TG: variants seen among roughly 807,000 people sequenced by gnomAD.
The protein encoded by TG is thyroglobulin, also known as thyroid hormones.
A neutral mutation model predicts 324.7 loss-of-function variants in TG; 270 were observed. The ratio of observed to expected loss-of-function variants is 0.83; its 90% CI spans 0.75 to 0.92. The LOEUF is 0.92. TG is among the 40% of genes least tolerant of loss of function. TG has a pLI of 0.00. For missense variants in TG, 3,591 were observed against 3,456.4 expected (o/e 1.04, Z -0.98); for synonymous variants, 1,401 against 1,327.0 (o/e 1.06, Z -1.21).
chr8:133,048,740 C>G (rs918928368), intron 41 of TG: 1 of 159,470 alleles, frequency 6.3e-6, no homozygotes, highest in African/African-American at 2.4e-5. Context: ...TGACTCCCAT[C>G]TCTTTCAGAA....
intron 41 of TG, among the ~76,000 whole-genome samples, chr8:133,094,301 T>A (rs1848075837): frequency 7.1e-6 from 1 of 141,078 alleles, no homozygotes; most frequent in Admixed American, 7.5e-5. Context: ...AGTGCAGAGG[T>A]GCGATCTCGG....
intron 40 of TG, among the ~76,000 whole-genome samples, chr8:133,026,111 T>C (rs1587796831): frequency 6.6e-6 from 1 of 152,220 alleles, no homozygotes; most frequent in South Asian, 2.1e-4. Flanking sequence ...TCTAGCTGCC[T>C]CCTGGCACAG....
At chr8:132,961,819 C>T (rs1456688701) in intron 28 of TG, among the ~76,000 whole-genome samples, 2 of 152,128 alleles carry the variant, frequency 1.3e-5, no homozygotes, top group Non-Finnish European at 2.9e-5. Context: ...AATCTGTCCT[C>T]GCTGATCTTC....
At chr8:133,005,514 T>G (rs1170737136) in intron 35 of TG, among the ~76,000 whole-genome samples, 1 of 152,140 alleles carries the variant, frequency 6.6e-6, no homozygotes, top group South Asian at 2.1e-4. Flanking sequence ...TTGCTGAGCA[T>G]TTCCCCTGGG....
chr8:132,905,755 A>G (rs1261375853), intron 16 of TG, among the ~76,000 whole-genome samples: 1 of 152,172 alleles, frequency 6.6e-6, no homozygotes, highest in East Asian at 1.9e-4. Flanking sequence ...AACAATTGAC[A>G]AAAGGAAGGT....
At chr8:133,003,278 T>C (rs1434309123) in intron 35 of TG, 2 of 153,136 alleles carry the variant, frequency 1.3e-5, no homozygotes, top group African/African-American at 4.8e-5. Context: ...TTAAACACGA[T>C]TATCTACATA....
chr8:133,121,401 C>T (rs1851130903), intron 45 of TG, among the ~76,000 whole-genome samples: 1 of 152,168 alleles, frequency 6.6e-6, no homozygotes, highest in Non-Finnish European at 1.5e-5. Context: ...AGTAACATTT[C>T]CAGGTTATTC....
chr8:133,073,050 T>G (rs1439829407), intron 41 of TG: 1 of 152,250 alleles, frequency 6.6e-6, no homozygotes, highest in African/African-American at 2.4e-5. Flanking sequence ...ACCTATTATC[T>G]CCTAGATAGT....
At chr8:133,052,937 T>C (rs1840688654) in intron 41 of TG, among the ~76,000 whole-genome samples, 1 of 152,188 alleles carries the variant, frequency 6.6e-6, no homozygotes, top group Non-Finnish European at 1.5e-5. Flanking sequence ...GAAAAACACC[T>C]TCAAGATGGA....
chr8:133,029,497 C>A (rs1836418808), intron 40 of TG, among the ~76,000 whole-genome samples: 1 of 152,190 alleles, frequency 6.6e-6, no homozygotes, highest in African/African-American at 2.4e-5. Flanking sequence ...ATCTGAGCAA[C>A]TCCCCTCAGC....
chr8:132,994,662 T>C (rs2130789213), intron 35 of TG: 1 of 1,284,116 alleles, frequency 7.8e-7, no homozygotes, highest in African/African-American at 1.5e-5. Flanking sequence ...TTCCCTGACC[T>C]CCTGAAGGAA....
chr8:132,887,109 C>G lies in TG; in HGVS notation c.1737C>G (p.Leu579=), dbSNP rs1288581992. 3 of 1,614,214 alleles carry G rather than the reference C, an allele frequency of 1.9e-6. No homozygotes were observed. Among genetic ancestry groups the G allele is most frequent in the Non-Finnish European group, 2.5e-6 (3 of 1,180,036 alleles). Residue 579 remains leucine, a synonymous_variant, in exon 9 of 48, where the codon CTC becomes CTG. Transcript: ENST00000220616. ...ASLLELPEFL[L]FLQHAISVPE... ...TCCTGGAGCTTCCAGAATTCCTTCT[C>G]TTCTTGCAACATGCTATCTCTGTGC... is the stretch of plus-strand genomic sequence containing the variant.
At chr8:133,027,662 A>C (rs1022612995) in intron 40 of TG, among the ~76,000 whole-genome samples, 3 of 152,190 alleles carry the variant, frequency 2.0e-5, no homozygotes, top group Admixed American at 6.5e-5. Context: ...TGAACAGAGA[A>C]AGTTTCAGAA....
At position 132,924,451 on chromosome 8, in the gene TG, G is replaced by A. The variant is rs535373799; in HGVS notation, c.4699+943G>A. Among the ~76,000 whole-genome samples, 53 of 152,216 alleles carry A rather than the reference G, an allele frequency of 3.5e-4. 1 individual carries two copies. The South Asian group carries it at 0.011, about 31-fold the overall frequency. On this transcript the variant is annotated intron_variant, in intron 22 of 47. Transcript: ENST00000220616. ...ATTGCTGGGTGATCTAGAGCAAGTT[G>A]CTCAATCCCTCTGATCCTCAGTCTC...
chr8:133,002,401 C>T (rs1237242346), intron 35 of TG: 26 of 985,270 alleles, frequency 2.6e-5, no homozygotes, highest in Non-Finnish European at 2.7e-5. Context: ...ACTTTCTAAG[C>T]GATTAATTTG....
chr8:132,937,425 C>T (rs1323337956), intron 25 of TG, among the ~76,000 whole-genome samples: 1 of 152,196 alleles, frequency 6.6e-6, no homozygotes, highest in East Asian at 1.9e-4. Flanking sequence ...CCTTCATCCC[C>T]ACTTCACAAA....
At chr8:133,101,580 G>A (rs909450891) in intron 43 of TG, among the ~76,000 whole-genome samples, 1 of 141,940 alleles carries the variant, frequency 7.0e-6, no homozygotes, top group Non-Finnish European at 1.6e-5. Flanking sequence ...ATCAATTGCA[G>A]TAAATTGCCA....
Position 132,888,259 on chromosome 8 carries a change from A to C in TG, c.2452A>C (p.Ser818Arg), listed in dbSNP as rs1448626153. The change falls in exon 10 of 48, where the codon AGT (serine) becomes CGT (arginine). Residue 818 changes from serine (S) to arginine (R), a missense_variant. Physicochemically the swap from Ser to Arg is moderately radical, Grantham distance 110. Coordinates refer to ENST00000220616, the MANE Select transcript of TG (RefSeq NM_003235.5). ...CAGAGAAGCAGCTTCCGGAAACTTC[A>C]GTCTCTTTATTCAAAGTCTGTATGA... ...SYREAASGNF[S>R]LFIQSLYEAG... The C allele has an allele frequency of 1.2e-6, 2 of 1,614,202 alleles. No homozygotes were observed. Among genetic ancestry groups the C allele is most frequent in the Non-Finnish European group, 8.5e-7 (1 of 1,180,028 alleles).
chr8:133,056,315 C>T (rs1841435759), intron 41 of TG, among the ~76,000 whole-genome samples: 1 of 152,160 alleles, frequency 6.6e-6, no homozygotes. Context: ...TCTCATGTAC[C>T]AGCAGCGAGG....
Sources: gnomAD v4.1 joint callset for allele counts (sites outside exome capture counted in the v4.1 genomes callset) on GRCh38, gnomAD v4.1.1 for gene constraint, MANE v1.5 for transcripts, NCBI Gene and HGNC (gene_info 2026-07-23, HGNC 2026-07-21) for gene names.